Variants in MARCHF1 observed in about 807,000 individuals in gnomAD.
The protein encoded by MARCHF1 is E3 ubiquitin-protein ligase MARCHF1.
MARCHF1 carries 40 observed loss-of-function variants against 54.2 expected under a neutral mutation model. That is an observed-to-expected ratio of 0.74 (90% CI 0.57 to 0.96). MARCHF1 has a LOEUF of 0.96. Among genes scored for constraint, MARCHF1 ranks in the 40% least tolerant of loss-of-function variants. The probability of loss-of-function intolerance (pLI) is 0.00; values close to 1 mark genes in which losing one functional copy is unlikely to be tolerated. For missense variants in MARCHF1, 586 were observed against 656.5 expected (o/e 0.89, Z 1.17); for synonymous variants, 236 against 236.3 (o/e 1.00, Z 0.01).
At chr4:164,081,730 A>G (rs895634234) in intron 2 of MARCHF1, among the ~76,000 whole-genome samples, 1 of 152,132 alleles carries the variant, frequency 6.6e-6, no homozygotes, top group Non-Finnish European at 1.5e-5. Context: ...ACACATGCAC[A>G]CACACACACA....
At position 163,528,725 on chromosome 4, in the gene MARCHF1, G is replaced by A; in HGVS notation, c.*23C>T. 1 of 1,582,802 alleles carries A rather than the reference G, an allele frequency of 6.3e-7. No individual in the cohort carries two copies. Among genetic ancestry groups the A allele is most frequent in the Non-Finnish European group, 8.6e-7 (1 of 1,163,062 alleles). On this transcript the variant is annotated 3_prime_UTR_variant, in exon 10 of 10. Coordinates refer to ENST00000514618, the MANE Select transcript of MARCHF1 (RefSeq NM_001394959.1). ...GAGGGCTAGAAAGATATTCTTCGGT[G>A]AAGAAACTCCCAACAGGTTCCATCA...
intron 1 of MARCHF1, among the ~76,000 whole-genome samples, chr4:164,257,609 CAT>C (rs1295567628): frequency 3.3e-5 from 5 of 151,524 alleles, no homozygotes; most frequent in Non-Finnish European, 5.9e-5. Context: ...AAATATATAA[CAT>C]ATGATATATA....
chr4:164,141,975 G>A (rs1013099272), intron 1 of MARCHF1, among the ~76,000 whole-genome samples: 15 of 152,288 alleles, frequency 9.8e-5, no homozygotes, highest in Non-Finnish European at 1.2e-4. Flanking sequence ...CACCGTGAGC[G>A]AGCCAAAGTA....
intron 1 of MARCHF1, chr4:164,197,054 C>T: frequency 1.2e-6 from 2 of 1,606,068 alleles, no homozygotes; most frequent in Non-Finnish European, 1.7e-6. Flanking sequence ...TCTTCTTCAT[C>T]TTCCTCGCCA....
intron 2 of MARCHF1, among the ~76,000 whole-genome samples, chr4:163,991,675 T>TA (rs1752969839): frequency 6.6e-6 from 1 of 152,220 alleles, no homozygotes; most frequent in Admixed American, 6.5e-5. Flanking sequence ...TGCATCTACA[T>TA]ATGTGATCAC....
At chr4:164,179,609 A>G (rs566973029) in intron 1 of MARCHF1, among the ~76,000 whole-genome samples, 13 of 152,236 alleles carry the variant, frequency 8.5e-5, no homozygotes, top group Non-Finnish European at 1.3e-4. Flanking sequence ...AAATACATAC[A>G]CACACATACA....
intron 2 of MARCHF1, among the ~76,000 whole-genome samples, chr4:164,101,090 C>T (rs180993891): frequency 2.0e-5 from 3 of 152,356 alleles, no homozygotes; most frequent in African/African-American, 4.8e-5. Flanking sequence ...GATTATATCC[C>T]GCACCTGGCT....
At chr4:164,260,929 T>A (rs1321602551) in intron 1 of MARCHF1, among the ~76,000 whole-genome samples, 1 of 152,216 alleles carries the variant, frequency 6.6e-6, no homozygotes, top group Non-Finnish European at 1.5e-5. Flanking sequence ...CTGAGTGTTT[T>A]CTATTTGGAA....
intron 3 of MARCHF1, among the ~76,000 whole-genome samples, chr4:163,957,701 C>A (rs1318927089): frequency 6.6e-6 from 1 of 151,792 alleles, no homozygotes; most frequent in East Asian, 1.9e-4. Flanking sequence ...TTTCTCACGC[C>A]AAAAAAATTT....
intron 1 of MARCHF1, among the ~76,000 whole-genome samples, chr4:164,211,331 GTA>G (rs10604337): frequency 0.36 from 41,501 of 115,616 alleles, 6,194 homozygotes; most frequent in East Asian, 0.42. Flanking sequence ...ATGTATGTAT[GTA>G]TATATATATA....
intron 4 of MARCHF1, among the ~76,000 whole-genome samples, chr4:163,796,396 T>G (rs1747917727): frequency 6.6e-6 from 1 of 151,922 alleles, no homozygotes; most frequent in African/African-American, 2.4e-5. Flanking sequence ...TCGGCTAATT[T>G]TTTTGTAGAA....
intron 1 of MARCHF1, among the ~76,000 whole-genome samples, chr4:164,348,620 G>A (rs1297644993): frequency 1.3e-5 from 2 of 152,158 alleles, no homozygotes; most frequent in African/African-American, 4.8e-5. Context: ...AAGTCCATGA[G>A]AAGTTAATAT....
rs1019963974 is a variant in MARCHF1 at position 164,126,343 on chromosome 4, G to A, written c.-322-14681C>T. Among the ~76,000 whole-genome samples the A allele has an allele frequency of 1.2e-4, 19 of 152,284 alleles. 1 individual carries two copies. The highest frequency in any genetic ancestry group is 1.1e-3 in the Admixed American group (17 of 15,286). ...AGAGACATTTATGAACCAGAAAGTA[G>A]GTCCTCATCAGACACCGAATCTTCC... On this transcript the variant is annotated intron_variant, in intron 1 of 9. Transcript: ENST00000514618.
At position 163,873,796 on chromosome 4, in the gene MARCHF1, G is replaced by A. The variant is rs573444407; in HGVS notation, c.-38-19627C>T. Among the ~76,000 whole-genome samples the A allele has an allele frequency of 2.0e-5, 3 of 152,276 alleles. No individual in the cohort carries two copies. The South Asian group carries it at 6.2e-4, about 32-fold the overall frequency. On this transcript the variant is annotated intron_variant, in intron 3 of 9. Coordinates refer to ENST00000514618, the MANE Select transcript of MARCHF1 (RefSeq NM_001394959.1). ...CCCTGGACACTTCCTTTTTGTCCAA[G>A]CCAACTGGTCCTGTCTTCTTGTGAA...
At chr4:164,172,392 T>C (rs1651998086) in intron 1 of MARCHF1, among the ~76,000 whole-genome samples, 1 of 152,178 alleles carries the variant, frequency 6.6e-6, no homozygotes, top group Non-Finnish European at 1.5e-5. Context: ...TCTTACCTTC[T>C]TTGTTCTAAG....
rs562470107 is a variant in MARCHF1, at chr4:164,202,825, T to C, written c.-322-91163A>G. ...CTTCAAGATACTGGGAACATGAATT[T>C]TCTTATCAAACTATAGTAACCCCTG... On this transcript the variant is annotated intron_variant, in intron 1 of 9. Coordinates refer to ENST00000514618, the MANE Select transcript of MARCHF1 (RefSeq NM_001394959.1). Among the ~76,000 whole-genome samples, 9 of 152,316 alleles carry C rather than the reference T, an allele frequency of 5.9e-5. No homozygotes were observed. The East Asian group carries it at 1.7e-3, about 29-fold the overall frequency.
At chr4:163,818,159 TTAGA>T (rs1295047846) in intron 4 of MARCHF1, among the ~76,000 whole-genome samples, 21 of 152,154 alleles carry the variant, frequency 1.4e-4, no homozygotes, top group African/African-American at 3.9e-4. Flanking sequence ...AAATGATTAC[TTAGA>T]TATTTTAGTT....
At chr4:163,828,054 C>CACACACACACACACACAGAGAG (rs774603753) in intron 4 of MARCHF1, among the ~76,000 whole-genome samples, 1 of 148,204 alleles carries the variant, frequency 6.7e-6, no homozygotes. Context: ...CACACACACA[C>CACACACACACACACACAGAGAG]AGACACACCT....
At chr4:164,014,175 A>G (rs765753402) in intron 2 of MARCHF1, among the ~76,000 whole-genome samples, 1 of 145,280 alleles carries the variant, frequency 6.9e-6, no homozygotes, top group South Asian at 2.2e-4. Flanking sequence ...CTGGAGACAG[A>G]GTGAGACTGC....
Sources: gnomAD v4.1 joint callset for allele counts (sites outside exome capture counted in the v4.1 genomes callset) on GRCh38, gnomAD v4.1.1 for gene constraint, MANE v1.5 for transcripts, NCBI Gene and HGNC (gene_info 2026-07-23, HGNC 2026-07-21) for gene names.